CELSR2: variants seen among roughly 807,000 people sequenced by gnomAD.
CELSR2 encodes EGF-like protein 2.
A neutral mutation model predicts 251.6 loss-of-function variants in CELSR2; 81 were observed. The observed-to-expected ratio is 0.32, with a 90% CI of 0.27 to 0.39. CELSR2 has a LOEUF of 0.39. Among genes scored for constraint, CELSR2 ranks in the 10% least tolerant of loss-of-function variants. The pLI, the probability that CELSR2 is intolerant of heterozygous loss-of-function variation, is 1.00. For synonymous variants in CELSR2, 1,721 were observed against 1,670.5 expected, an observed-to-expected ratio of 1.03 and a Z score of -0.74; for missense variants, 3,365 against 3,947.7, an observed-to-expected ratio of 0.85 and a Z score of 3.96.
At chr1:109,260,983 T>C in intron 2 of CELSR2, 59 bp from the exon 3 acceptor site, 5 of 1,362,812 alleles carry the variant, frequency 3.7e-6, no homozygotes, top group Non-Finnish European at 5.1e-6. Flanking sequence ...TTGTGGGGGG[T>C]CTCAGTTCCC....
chr1:109,264,815 A>G, intron 11 of CELSR2, 53 bp from the exon 12 acceptor site: 2 of 1,612,446 alleles, frequency 1.2e-6, no homozygotes, highest in Non-Finnish European at 8.5e-7. Context: ...TTGATGGAAG[A>G]TGGTGCCAGG....
At chr1:109,268,407 C>T (rs1656269040) in intron 17 of CELSR2, among the ~76,000 whole-genome samples, 174 bp from the exon 18 acceptor site, 1 of 152,190 alleles carries the variant, frequency 6.6e-6, no homozygotes, top group Non-Finnish European at 1.5e-5. Flanking sequence ...GGCAGAGCAT[C>T]CAGTGACCTG....
Position 109,262,981 on chromosome 1 carries a change from C to A in CELSR2, c.4708+12C>A. 3 of 1,608,544 alleles carry A rather than the reference C, an allele frequency of 1.9e-6. No individual in the cohort carries two copies. The highest frequency in any genetic ancestry group is 2.6e-6 in the Non-Finnish European group (3 of 1,175,758). On this transcript the variant is annotated intron_variant, in intron 7 of 33. Transcript: ENST00000271332. ...TGGCACCGTGCCTGGTATGGGGGCCCGGGGTGGAGCCAGGCTGGGATCCCA... is the reference window on the plus strand; with the variant it reads ...TGGCACCGTGCCTGGTATGGGGGCCAGGGGTGGAGCCAGGCTGGGATCCCA...
At position 109,264,510 on chromosome 1, in the gene CELSR2, G is replaced by A. The variant is rs1192771309; in HGVS notation, c.5346G>A (p.Gly1782=). 14 of 1,614,144 alleles carry A rather than the reference G, an allele frequency of 8.7e-6. No individual in the cohort carries two copies. Among genetic ancestry groups the A allele is most frequent in the Non-Finnish European group, 1.2e-5 (14 of 1,180,010 alleles). ...TTAACAGCCTGGATCCCAGCCATGG[G>A]GAGAGCATCAACGTGGAGCAAGGCT... ...EGVNSLDPSH[G]ESINVEQGCS... The change falls in exon 11 of 34, where the codon GGG becomes GGA. Residue 1782 remains glycine (G), a synonymous_variant. Transcript: ENST00000271332.
At position 109,262,408 on chromosome 1, in the gene CELSR2, C is replaced by A. The variant is rs145591944; in HGVS notation, c.4508C>A (p.Ser1503Tyr). The A allele has an allele frequency of 6.1e-4, 977 of 1,614,014 alleles. No homozygotes were observed. Among genetic ancestry groups the A allele is most frequent in the Non-Finnish European group, 7.5e-4 (884 of 1,180,042 alleles). Residue 1503 changes from serine to tyrosine, a missense_variant, in exon 6 of 34, where the codon TCC becomes TAC. Ser to Tyr is a moderately radical substitution (Grantham distance 144). Coordinates refer to ENST00000271332, the MANE Select transcript of CELSR2 (RefSeq NM_001408.3). ...LRFGSVLGNY[S>Y]CAAQGTQGGS... The stretch of plus-strand genomic sequence containing the variant: ...TTCGGATCTGTCCTGGGCAACTACT[C>A]CTGTGCTGCCCAGGGCACCCAGGGT...
At chr1:109,257,844 C>T (rs1225591377) in intron 1 of CELSR2, among the ~76,000 whole-genome samples, 1 of 152,144 alleles carries the variant, frequency 6.6e-6, no homozygotes, top group Non-Finnish European at 1.5e-5. Context: ...GAGAGTTGGG[C>T]GGGAAGAATG....
At position 109,264,954 on chromosome 1, in the gene CELSR2, C is replaced by A. The variant is rs1173440102; in HGVS notation, c.5551C>A (p.His1851Asn). ...GTGTACCCGCAAGCCCAGTGCCCCC[C>A]ATGGCTATACCTGCGAGTGTCCCCC... ...SVCTRKPSAP[H>N]GYTCECPPNY... Residue 1851 changes from histidine (H) to asparagine (N), a missense_variant, in exon 12 of 34, where the codon CAT becomes AAT. Physicochemically the swap from His to Asn is moderately conservative, Grantham distance 68. Around this residue, in one of 5 missense-constraint regions of CELSR2, gnomAD observed 2,093 missense variants for 2,382.8 expected, o/e 0.88. Coordinates refer to ENST00000271332, the MANE Select transcript of CELSR2 (RefSeq NM_001408.3). 1.2e-6 allele frequency: 2 copies of A among 1,614,202 alleles called. No individual in the cohort carries two copies. The highest frequency in any genetic ancestry group is 1.7e-6 in the Non-Finnish European group (2 of 1,180,038).
In CELSR2 at chr1:109,264,587, G is replaced by A. The variant is rs769384301; in HGVS notation, c.5423G>A (p.Cys1808Tyr). 2.5e-6 allele frequency: 4 copies of A among 1,614,034 alleles called. No homozygotes were observed. Among genetic ancestry groups the A allele is most frequent in the Non-Finnish European group, 3.4e-6 (4 of 1,179,884 alleles). The change falls in exon 11 of 34, where the codon TGC becomes TAC. Residue 1808 changes from cysteine (C) to tyrosine (Y), a missense_variant. Transcript: ENST00000271332. ...AACCCGTGTCCTGCTAACAGCTATT[G>A]CAGCAACGACTGGGACAGCTATTCC... ...DSNPCPANSY[C>Y]SNDWDSYSCS... is the part of the protein sequence containing the mutation.
Position 109,249,953 on chromosome 1 carries a change from C to A in CELSR2, c.-127C>A. ...CCGAGCCATCCAGACGCAGGCCCCG[C>A]GGGGCGCACGGGAGGCCCCCGGGGA... On this transcript the variant is annotated 5_prime_UTR_variant, in exon 1 of 34. Coordinates refer to ENST00000271332, the MANE Select transcript of CELSR2 (RefSeq NM_001408.3). 1 of 887,350 alleles carries A rather than the reference C, an allele frequency of 1.1e-6. No individual in the cohort carries two copies. The highest frequency in any genetic ancestry group is 1.4e-6 in the Non-Finnish European group (1 of 696,152). The allele number at this position is 887,350 out of a possible 1,614,324, so 55.0% of individuals were successfully genotyped here.
At position 109,269,447 on chromosome 1, in the gene CELSR2, A is replaced by C. The variant is rs1228395357; in HGVS notation, c.6836A>C (p.Asn2279Thr). 1 of 1,613,872 alleles carries C rather than the reference A, an allele frequency of 6.2e-7. No individual in the cohort carries two copies. The highest frequency in any genetic ancestry group is 8.5e-7 in the Non-Finnish European group (1 of 1,179,988). ...SLRVPKRPII[N>T]TPVVSISVHD... is the part of the protein sequence containing the mutation. ...AGAGTCCCCAAACGCCCGATCATCA[A>C]CACACCCGTGGTGAGCATCAGCGTC... Residue 2279 changes from asparagine (N) to threonine (T), a missense_variant, in exon 21 of 34, where the codon AAC (asparagine) becomes ACC (threonine). By Grantham distance (65) the Asn-to-Thr change is moderately conservative. Transcript: ENST00000271332. The surrounding 1 kb of genome is among the most constrained non-coding windows in gnomAD (Gnocchi z 6.4).
Position 109,274,407 on chromosome 1 carries a change from T to G in CELSR2, c.*358T>G. The G allele has an allele frequency of 3.0e-6, 1 of 334,862 alleles. No individual in the cohort carries two copies. The highest frequency in any genetic ancestry group is 5.0e-5 in the South Asian group (1 of 20,122). The allele number at this position is 334,862 out of a possible 1,614,324, so 20.7% of individuals were successfully genotyped here. On this transcript the variant is annotated 3_prime_UTR_variant, in exon 34 of 34. Transcript: ENST00000271332. ...CGCTGGAAATTGACTCCCCTTTCCC[T>G]TCCCAAAGAGGATAGGACCTCCCAG... is the stretch of plus-strand genomic sequence containing the variant.
At position 109,272,908 on chromosome 1, in the gene CELSR2, C is replaced by T. The variant is rs1335997563; in HGVS notation, c.8219C>T (p.Ser2740Leu). 6.2e-7 allele frequency: 1 copy of T among 1,613,964 alleles called. No homozygotes were observed. Among genetic ancestry groups the T allele is most frequent in the Admixed American group, 1.7e-5 (1 of 60,006 alleles). Reference protein sequence around the residue: ...QSGSYASTHSSDSEEEEEEEE... With the variant: ...QSGSYASTHSLDSEEEEEEEE... ...GGCTCCTATGCCTCTACCCACTCAT[C>T]AGACAGTGAGGAGGAAGAAGAGGAG... The change falls in exon 31 of 34, where the codon TCA (serine) becomes TTA (leucine). Residue 2740 changes from serine (S) to leucine (L), a missense_variant. Ser to Leu is a moderately radical substitution (Grantham distance 145). Transcript: ENST00000271332.
chr1:109,258,785 C>T lies in CELSR2; in HGVS notation c.3664C>T (p.Gln1222Ter). 1 of 1,606,376 alleles carries T rather than the reference C, an allele frequency of 6.2e-7. No individual in the cohort carries two copies. The highest frequency in any genetic ancestry group is 1.1e-5 in the South Asian group (1 of 89,796). The change falls in exon 2 of 34, where the codon CAG becomes TAG. Residue 1222 changes from glutamine (Q) to a stop codon, truncating the protein, a stop_gained. Coordinates refer to ENST00000271332, the MANE Select transcript of CELSR2 (RefSeq NM_001408.3). LOFTEE classifies it high-confidence loss of function. ...NRSLLTAISA[Q>*]RVLPFDDNIC... ...CAGCCTGCTGACGGCCATCTCGGCA[C>T]AGCGCGTGCTGCCCTTCGACGACAA...
rs1210448397 is a variant in CELSR2, at chr1:109,250,040, C to T, written c.-40C>T. The T allele has an allele frequency of 3.9e-6, 5 of 1,293,550 alleles. No individual in the cohort carries two copies. The highest frequency in any genetic ancestry group is 4.9e-6 in the Non-Finnish European group (5 of 1,028,308). The allele number at this position is 1,293,550 out of a possible 1,614,324, so 80.1% of individuals were successfully genotyped here. On this transcript the variant is annotated 5_prime_UTR_variant, in exon 1 of 34. Transcript: ENST00000271332. This position sits in a 1 kb window ranked among gnomAD's most constrained non-coding sequence, Gnocchi z 4.4. The stretch of plus-strand genomic sequence containing the variant: ...CGGCAGGAGCCGGAGGAGGAGCCGC[C>T]GCCGCCGTTGACCCGGCCGCCGGCC...
Position 109,271,740 on chromosome 1 carries a change from C to T in CELSR2, c.7926+18C>T. On this transcript the variant is annotated intron_variant, in intron 28 of 33. Coordinates refer to ENST00000271332, the MANE Select transcript of CELSR2 (RefSeq NM_001408.3). ...TGACCTCGGTGAGGGAGCCAGGGGT[C>T]TCAGGAGGGCGGTGAAGGGAGGGAG... 4 of 1,612,650 alleles carry T rather than the reference C, an allele frequency of 2.5e-6. No individual in the cohort carries two copies. The highest frequency in any genetic ancestry group is 2.5e-6 in the Non-Finnish European group (3 of 1,179,438).
At chr1:109,254,291 T>G (rs959326023) in intron 1 of CELSR2, among the ~76,000 whole-genome samples, 3 of 152,166 alleles carry the variant, frequency 2.0e-5, no homozygotes, top group Admixed American at 6.5e-5. Context: ...AGGCACCTTA[T>G]CTGAGGAGAG....
rs377125469 is a variant in CELSR2 at position 109,250,577 on chromosome 1, C to T, written c.498C>T (p.Ser166=). 2.6e-5 allele frequency: 42 copies of T among 1,613,908 alleles called. 1 individual carries two copies. The highest frequency in any genetic ancestry group is 1.6e-4 in the Middle Eastern group (1 of 6,084). The change falls in exon 1 of 34, where the codon TCC becomes TCT. Residue 166 remains serine (S), a synonymous_variant. Transcript: ENST00000271332. The surrounding 1 kb of genome is among the most constrained non-coding windows in gnomAD (Gnocchi z 4.4). The part of the protein sequence containing the change: ...LRAGERSPEE[S]LGGRRKRNVN... ...CAGGGGAAAGGTCACCAGAAGAGTC[C>T]CTGGGTGGGCGTCGGAAAAGGAATG...
In CELSR2 at chr1:109,269,994, C is replaced by CCG; in HGVS notation, c.7170_7171insGC (p.Leu2391AlafsTer26). 1 of 1,614,082 alleles carries CCG rather than the reference C, an allele frequency of 6.2e-7. No homozygotes were observed. ...GTGGCTCTAGGTGTCACCTTGGCTG[C>CCG]CCTTCTGCTCACCTTCTTCTTCCTC... On this transcript the variant is annotated frameshift_variant, in exon 23 of 34. Coordinates refer to ENST00000271332, the MANE Select transcript of CELSR2 (RefSeq NM_001408.3). LOFTEE classifies it high-confidence loss of function. The surrounding 1 kb of genome is among the most constrained non-coding windows in gnomAD (Gnocchi z 6.4).
At chr1:109,263,013 A>T in intron 7 of CELSR2, 44 bp downstream of exon 7, 1 of 1,602,508 alleles carries the variant, frequency 6.2e-7, no homozygotes, top group Non-Finnish European at 8.5e-7. Flanking sequence ...CCCAGTGCTG[A>T]GAGGAGGGGC....
Sources: allele counts gnomAD v4.1 joint callset (sites outside exome capture counted in the v4.1 genomes callset), GRCh38; gene constraint gnomAD v4.1.1; regional missense constraint gnomAD v4.1.1; non-coding constraint Gnocchi (gnomAD v3.1); transcripts MANE v1.5; gene names NCBI Gene and HGNC (gene_info 2026-07-23, HGNC 2026-07-21).